TMEM117: variants seen among roughly 807,000 people sequenced by gnomAD.
The protein encoded by TMEM117 is transmembrane protein 117.
In TMEM117, 27 loss-of-function variants were observed where a neutral mutation model predicts 52.4. That is an observed-to-expected ratio of 0.51 (90% CI 0.38 to 0.71). The LOEUF (loss-of-function observed/expected upper bound fraction) is 0.71. Among genes scored for constraint, TMEM117 ranks in the 30% least tolerant of loss-of-function variants. The pLI, the probability that TMEM117 is intolerant of heterozygous loss-of-function variation, is 0.00. For missense variants in TMEM117, 556 were observed against 630.5 expected, an observed-to-expected ratio of 0.88 and a Z score of 1.26; for synonymous variants, 215 against 206.3, an observed-to-expected ratio of 1.04 and a Z score of -0.36.
chr12:44,123,519 T>TTTTTATAGC (rs1948272572), intron 3 of TMEM117, among the ~76,000 whole-genome samples: 1 of 152,108 alleles, frequency 6.6e-6, no homozygotes, highest in South Asian at 2.1e-4. Context: ...CCTTCCAGGG[T>TTTTTATAGC]TTTTATAGCT....
intron 4 of TMEM117, among the ~76,000 whole-genome samples, chr12:44,150,340 G>A (rs1461004267): frequency 3.9e-5 from 6 of 152,260 alleles, no homozygotes; most frequent in African/African-American, 1.2e-4. Flanking sequence ...AAGGAGGCAA[G>A]CAAAGATATA....
chr12:44,389,678 G>A lies in TMEM117; in HGVS notation c.*1006G>A, dbSNP rs1044551019. 6.6e-6 allele frequency: 1 copy of A among 152,518 alleles called. No homozygotes were observed. Among genetic ancestry groups the A allele is most frequent in the African/African-American group, 2.4e-5 (1 of 41,434 alleles). 9.4% of individuals were successfully genotyped at this position (152,518 alleles called of 1,614,324 possible). A position where few individuals can be genotyped will look rare whatever the true frequency, so the allele number is the denominator to read the frequency against. ...CCGTGCATGAAAGAATTTGTTTAAT[G>A]TCTTGTTTTGCGTATGTGTTTTTTG... On this transcript the variant is annotated 3_prime_UTR_variant, in exon 8 of 8. Coordinates refer to ENST00000266534, the MANE Select transcript of TMEM117 (RefSeq NM_032256.3).
At chr12:43,830,259 T>C in the TMEM117 span, among the ~76,000 whole-genome samples, 1 of 152,090 alleles carries the variant, frequency 6.6e-6, no homozygotes, top group East Asian at 1.9e-4. Context: ...AAGTAACAGC[T>C]GTATTTCTGG....
intron 3 of TMEM117, among the ~76,000 whole-genome samples, chr12:44,040,617 A>G (rs907135390): frequency 6.6e-6 from 1 of 152,116 alleles, no homozygotes; most frequent in Non-Finnish European, 1.5e-5. Context: ...TCCAATCCTT[A>G]TACACTTTAT....
chr12:44,319,301 T>A (rs1282385820), intron 6 of TMEM117, among the ~76,000 whole-genome samples: 1 of 152,176 alleles, frequency 6.6e-6, no homozygotes, highest in African/African-American at 2.4e-5. Context: ...TCTTTTCCTC[T>A]CAATGTCCCC....
At chr12:43,971,019 CCT>C (rs1491249620) in intron 3 of TMEM117, among the ~76,000 whole-genome samples, 1 of 151,934 alleles carries the variant, frequency 6.6e-6, no homozygotes, top group Admixed American at 6.6e-5. Context: ...CCCTTGCCAC[CCT>C]CTCTGTTCCA....
At chr12:43,957,070 G>T (rs1945320431) in intron 3 of TMEM117, among the ~76,000 whole-genome samples, 1 of 152,102 alleles carries the variant, frequency 6.6e-6, no homozygotes, top group East Asian at 1.9e-4. Context: ...ACCAAACATT[G>T]CATATTCTCA....
intron 3 of TMEM117, among the ~76,000 whole-genome samples, chr12:43,954,622 CAAT>C (rs1945278133): frequency 6.6e-6 from 1 of 152,116 alleles, no homozygotes; most frequent in Admixed American, 6.6e-5. Context: ...CTGAATAGAG[CAAT>C]AATAAGTTCT....
upstream of TMEM117, among the ~76,000 whole-genome samples, chr12:43,834,258 T>C (rs1942999724): frequency 6.6e-6 from 1 of 152,192 alleles, no homozygotes; most frequent in Admixed American, 6.5e-5. Context: ...GTTACCCACG[T>C]GTAACAGTTT....
At chr12:44,012,727 G>T (rs1946313880) in intron 3 of TMEM117, among the ~76,000 whole-genome samples, 1 of 151,598 alleles carries the variant, frequency 6.6e-6, no homozygotes, top group Non-Finnish European at 1.5e-5. Flanking sequence ...TATTTTTTTC[G>T]ATAAAAGCCC....
intron 5 of TMEM117, among the ~76,000 whole-genome samples, chr12:44,223,505 A>G (rs1163840930): frequency 1.3e-5 from 2 of 151,676 alleles, no homozygotes; most frequent in Non-Finnish European, 2.9e-5. Flanking sequence ...AGTTTGTATG[A>G]CTATTTGATG....
At chr12:44,226,076 C>T (rs1949857118) in intron 5 of TMEM117, among the ~76,000 whole-genome samples, 1 of 152,186 alleles carries the variant, frequency 6.6e-6, no homozygotes, top group African/African-American at 2.4e-5. Flanking sequence ...TTACATGGCG[C>T]TCTAACTGTT....
At chr12:43,993,414 A>G (rs944345425) in intron 3 of TMEM117, among the ~76,000 whole-genome samples, 1 of 152,214 alleles carries the variant, frequency 6.6e-6, no homozygotes, top group Non-Finnish European at 1.5e-5. Flanking sequence ...CCTCAGCTCA[A>G]TTCAAGGGAT....
At chr12:44,273,185 C>T (rs896884315) in intron 5 of TMEM117, among the ~76,000 whole-genome samples, 1 of 151,712 alleles carries the variant, frequency 6.6e-6, no homozygotes, top group African/African-American at 2.4e-5. Flanking sequence ...AACACTTGGA[C>T]ACAGGAAGGG....
intron 3 of TMEM117, among the ~76,000 whole-genome samples, chr12:44,136,738 G>A (rs768311225): frequency 5.9e-5 from 9 of 151,988 alleles, no homozygotes; most frequent in East Asian, 1.9e-4. Context: ...TTCAACTGAC[G>A]TTCGAAGTAA....
At chr12:44,289,250 TGTG>T (rs1950673301) in intron 5 of TMEM117, among the ~76,000 whole-genome samples, 1 of 145,106 alleles carries the variant, frequency 6.9e-6, no homozygotes, top group Non-Finnish European at 1.5e-5. Flanking sequence ...TGTGTGTGTG[TGTG>T]TGTGTGTGTG....
rs112032968 is a variant in TMEM117 at position 43,866,978 on chromosome 12, T to TA, written c.277+22051dup. Among the ~76,000 whole-genome samples the TA allele has an allele frequency of 4.8e-3, 728 of 152,006 alleles. 8 individuals are homozygous for TA. Among genetic ancestry groups the TA allele is most frequent in the African/African-American group, 0.015 (628 of 41,432 alleles). On this transcript the variant is annotated intron_variant, in intron 2 of 7. Coordinates refer to ENST00000266534, the MANE Select transcript of TMEM117 (RefSeq NM_032256.3). ...GGTGGTGCATGCCTGTGATCCCAGA[T>TA]ACTTGGGAGGTTGAAGCAGGAGAAT...
At chr12:44,024,815 C>T (rs1946507093) in intron 3 of TMEM117, among the ~76,000 whole-genome samples, 1 of 151,914 alleles carries the variant, frequency 6.6e-6, no homozygotes, top group Non-Finnish European at 1.5e-5. Flanking sequence ...TATATACACA[C>T]ATATATGTGT....
At chr12:44,265,254 G>A (rs559758029) in intron 5 of TMEM117, among the ~76,000 whole-genome samples, 45 of 152,266 alleles carry the variant, frequency 3.0e-4, no homozygotes, top group Non-Finnish European at 6.0e-4. Flanking sequence ...AACAAAGGAA[G>A]GGCCAGAGTG....
Sources: allele counts gnomAD v4.1 joint callset (sites outside exome capture counted in the v4.1 genomes callset), GRCh38; gene constraint gnomAD v4.1.1; transcripts MANE v1.5; gene names NCBI Gene and HGNC (gene_info 2026-07-23, HGNC 2026-07-21).